The following KLF12 variants were observed in gnomAD, a reference collection of about 807,000 sequenced individuals.
The protein encoded by KLF12 is Krueppel-like factor 12.
In KLF12, 9 loss-of-function variants were observed where a neutral mutation model predicts 37.8. The ratio of observed to expected loss-of-function variants is 0.24; its 90% CI spans 0.14 to 0.42. The LOEUF (loss-of-function observed/expected upper bound fraction) is 0.42. Among genes scored for constraint, KLF12 ranks in the 10% least tolerant of loss-of-function variants. The pLI, the probability that KLF12 is intolerant of heterozygous loss-of-function variation, is 1.00. For missense variants in KLF12, 411 were observed against 516.0 expected (o/e 0.80, Z 1.97); for synonymous variants, 208 against 202.1 (o/e 1.03, Z -0.25).
chr13:74,296,043 T>C, the KLF12 span, among the ~76,000 whole-genome samples: 1 of 152,058 alleles, frequency 6.6e-6, no homozygotes, highest in African/African-American at 2.4e-5. Context: ...GGTCTGGAAC[T>C]CCTGAGCTCG....
At chr13:73,863,998 G>T (rs56014515) in intron 3 of KLF12, among the ~76,000 whole-genome samples, 9,037 of 152,112 alleles carry the variant, frequency 0.059, 543 homozygotes, top group African/African-American at 0.15. Context: ...TTATAGATAA[G>T]AAGTTGTGGA....
chr13:74,117,217 A>C (rs1262527354), intron 1 of KLF12, among the ~76,000 whole-genome samples: 1 of 152,206 alleles, frequency 6.6e-6, no homozygotes, highest in East Asian at 1.9e-4. Flanking sequence ...CAATGAAATG[A>C]GAGACCCTTG....
the KLF12 span, among the ~76,000 whole-genome samples, chr13:74,166,087 CTTTTTTTTTT>C: frequency 2.9e-5 from 3 of 103,768 alleles, no homozygotes; most frequent in East Asian, 8.9e-4. Context: ...GCATAAACAC[CTTTTTTTTTT>C]TTTTTTTTTT....
At position 73,812,371 on chromosome 13, in the gene KLF12, A is replaced by G. The variant is rs576072872; in HGVS notation, c.806+781T>C. Among the ~76,000 whole-genome samples the G allele has an allele frequency of 1.8e-4, 22 of 120,850 alleles. 1 individual carries two copies. The East Asian group carries it at 5.3e-3, about 29-fold the overall frequency. 79.3% of individuals were successfully genotyped at this position (120,850 alleles called of 152,430 possible). ...ACCTGAAATTTTCTAGGAGTGTAGA[A>G]CTTATGCATTCTCACAAAAAAAAAA... On this transcript the variant is annotated intron_variant, in intron 5 of 7. Transcript: ENST00000377669.
At chr13:74,191,772 G>A in the KLF12 span, among the ~76,000 whole-genome samples, 1 of 152,080 alleles carries the variant, frequency 6.6e-6, no homozygotes, top group African/African-American at 2.4e-5. Flanking sequence ...GGCCAATTCA[G>A]GGGGAGGTAT....
chr13:74,031,448 G>A (rs1404766420), intron 1 of KLF12, among the ~76,000 whole-genome samples: 5 of 152,100 alleles, frequency 3.3e-5, no homozygotes, highest in African/African-American at 1.2e-4. Context: ...CTAGGTTTAT[G>A]AGAAATTATC....
the KLF12 span, among the ~76,000 whole-genome samples, chr13:74,250,700 CA>C: frequency 6.6e-6 from 1 of 150,886 alleles, no homozygotes; most frequent in Admixed American, 6.6e-5. Context: ...AATCAAACTT[CA>C]AAAAAAGATC....
intron 5 of KLF12, among the ~76,000 whole-genome samples, chr13:73,807,770 C>A (rs1051010861): frequency 7.2e-5 from 11 of 152,144 alleles, no homozygotes; most frequent in African/African-American, 2.7e-4. Context: ...ATCTCCTTAG[C>A]ATCTTGTATC....
At chr13:73,819,817 A>T (rs1883425093) in intron 4 of KLF12, among the ~76,000 whole-genome samples, 2 of 152,196 alleles carry the variant, frequency 1.3e-5, no homozygotes, top group South Asian at 4.1e-4. Flanking sequence ...GAATTGAGTA[A>T]GAGAAGCTTG....
At chr13:74,074,931 A>C (rs1038902305) in intron 1 of KLF12, among the ~76,000 whole-genome samples, 2 of 152,236 alleles carry the variant, frequency 1.3e-5, no homozygotes, top group Admixed American at 1.3e-4. Context: ...AGCACACAGC[A>C]CAGCAGTATG....
At chr13:73,887,848 T>G (rs1400111109) in intron 3 of KLF12, among the ~76,000 whole-genome samples, 1 of 152,222 alleles carries the variant, frequency 6.6e-6, no homozygotes, top group African/African-American at 2.4e-5. Context: ...AAATGATTTC[T>G]GAAAACAGCT....
rs59877053 is a variant in KLF12 at position 73,774,916 on chromosome 13, CTTT to C, written c.807-9919_807-9917del. The stretch of plus-strand genomic sequence containing the variant: ...ATATATATGTACCTTCTCTCGCATT[CTTT>C]TTTTTTTTTTTTTTTTAAGATGGAG... On this transcript the variant is annotated intron_variant, in intron 5 of 7. Transcript: ENST00000377669. Among the ~76,000 whole-genome samples, 176 of 130,348 alleles carry C rather than the reference CTTT, an allele frequency of 1.4e-3. 1 individual carries two copies. Among genetic ancestry groups the C allele is most frequent in the African/African-American group, 3.8e-3 (139 of 36,640 alleles). 85.5% of individuals were successfully genotyped at this position (130,348 alleles called of 152,430 possible). A position where few individuals can be genotyped will look rare whatever the true frequency, so the allele number is the denominator to read the frequency against.
chr13:73,908,695 G>A (rs918178956), intron 3 of KLF12, among the ~76,000 whole-genome samples: 1 of 151,952 alleles, frequency 6.6e-6, no homozygotes, highest in Admixed American at 6.6e-5. Flanking sequence ...GGCCAGGCTT[G>A]TATTGAACTC....
chr13:73,720,979 TG>T (rs79581928), intron 6 of KLF12, among the ~76,000 whole-genome samples: 2 of 152,290 alleles, frequency 1.3e-5, no homozygotes, highest in East Asian at 3.9e-4. Flanking sequence ...ACACTGGAAT[TG>T]AAGGAGCTTT....
At chr13:74,004,149 G>A (rs1892353558) in intron 1 of KLF12, among the ~76,000 whole-genome samples, 2 of 152,018 alleles carry the variant, frequency 1.3e-5, no homozygotes, top group African/African-American at 4.8e-5. Flanking sequence ...ATTCCCAAAG[G>A]TGGCTAAACA....
chr13:73,974,704 AGCT>A (rs1300828317), intron 2 of KLF12, among the ~76,000 whole-genome samples: 2 of 152,208 alleles, frequency 1.3e-5, no homozygotes, highest in Non-Finnish European at 2.9e-5. Context: ...GTAGAAAAGT[AGCT>A]GTTTAATATA....
intron 7 of KLF12, among the ~76,000 whole-genome samples, chr13:73,703,925 C>T (rs980914517): frequency 8.5e-5 from 13 of 152,144 alleles, no homozygotes; most frequent in African/African-American, 3.1e-4. Context: ...CCCTTCTCAC[C>T]CAGAAATCCG....
chr13:74,116,075 A>C (rs1877286226), intron 1 of KLF12, among the ~76,000 whole-genome samples: 1 of 152,208 alleles, frequency 6.6e-6, no homozygotes, highest in Non-Finnish European at 1.5e-5. Flanking sequence ...CACATGAAAT[A>C]AACTTATAGA....
chr13:73,908,583 C>T (rs546311499), intron 3 of KLF12, among the ~76,000 whole-genome samples: 71 of 151,398 alleles, frequency 4.7e-4, no homozygotes, highest in African/African-American at 1.6e-3. Flanking sequence ...TGGGTTCAAG[C>T]GATTCTCCCA....
Sources: allele counts gnomAD v4.1 joint callset (sites outside exome capture counted in the v4.1 genomes callset), GRCh38; gene constraint gnomAD v4.1.1; transcripts MANE v1.5; gene names NCBI Gene and HGNC (gene_info 2026-07-23, HGNC 2026-07-21).